PDS5B: variants seen among roughly 807,000 people sequenced by gnomAD.
The protein encoded by PDS5B is PDS5 cohesin associated factor B.
Under a neutral mutation model 184.1 loss-of-function variants are expected in PDS5B, and 51 were observed. The observed-to-expected ratio is 0.28, with a 90% CI of 0.22 to 0.35. PDS5B has a LOEUF of 0.35. Ranked by LOEUF, PDS5B falls within the 10% of genes least tolerant of loss-of-function variation. The pLI is 1.00. For synonymous variants in PDS5B, 566 were observed against 569.2 expected (o/e 0.99, Z 0.08); for missense variants, 1,180 against 1,723.3 (o/e 0.68, Z 5.58).
At chr13:32,735,092 G>T in intron 20 of PDS5B, 80 bp from the exon 21 acceptor site, 2 of 828,936 alleles carry the variant, frequency 2.4e-6, no homozygotes, top group East Asian at 3.0e-5. Flanking sequence ...AATAAATTTT[G>T]TAATTTGAAA....
chr13:32,686,537 A>C (rs1951395697), intron 11 of PDS5B, among the ~76,000 whole-genome samples: 1 of 152,174 alleles, frequency 6.6e-6, no homozygotes, highest in Non-Finnish European at 1.5e-5. Flanking sequence ...TAATCCCAGC[A>C]CTTTAGGAGG....
At chr13:32,678,283 A>C (rs1218066601) in intron 9 of PDS5B, among the ~76,000 whole-genome samples, 1 of 152,222 alleles carries the variant, frequency 6.6e-6, no homozygotes, top group Non-Finnish European at 1.5e-5. Flanking sequence ...TTACAGATGT[A>C]ATGTAAAAAG....
chr13:32,772,704 C>A (rs1206948720), intron 33 of PDS5B, among the ~76,000 whole-genome samples: 1 of 152,106 alleles, frequency 6.6e-6, no homozygotes, highest in African/African-American at 2.4e-5. Context: ...GCAGTAACAT[C>A]ATCTGTTCTT....
intron 3 of PDS5B, among the ~76,000 whole-genome samples, chr13:32,653,423 T>C (rs753044056): frequency 1.3e-5 from 2 of 152,210 alleles, no homozygotes; most frequent in Non-Finnish European, 2.9e-5. Flanking sequence ...CTGTTACTTA[T>C]GTGTCAGGAA....
At chr13:32,712,100 T>G (rs28568741) in intron 19 of PDS5B, among the ~76,000 whole-genome samples, 1 of 152,208 alleles carries the variant, frequency 6.6e-6, no homozygotes. Context: ...CAAATTTGGC[T>G]TATTCCCTGG....
At chr13:32,678,407 AT>A (rs1951130171) in intron 9 of PDS5B, among the ~76,000 whole-genome samples, 1 of 152,218 alleles carries the variant, frequency 6.6e-6, no homozygotes, top group Non-Finnish European at 1.5e-5. Context: ...GAGATCTGCC[AT>A]ACATTAGTGA....
chr13:32,603,478 A>G (rs926569419), intron 1 of PDS5B, among the ~76,000 whole-genome samples: 4 of 152,216 alleles, frequency 2.6e-5, no homozygotes, highest in African/African-American at 9.6e-5. Context: ...TACCAGTACC[A>G]TGCTGGTTTG....
At chr13:32,599,518 G>C (rs7996873) in intron 1 of PDS5B, among the ~76,000 whole-genome samples, 152,102 of 152,106 alleles carry the variant, frequency 1, 76,049 homozygotes, top group Middle Eastern at 1. Flanking sequence ...CCCGCCTTGG[G>C]CTCCCAAAGT....
chr13:32,768,315 A>G (rs1171534732), intron 31 of PDS5B, among the ~76,000 whole-genome samples: 1 of 152,166 alleles, frequency 6.6e-6, no homozygotes, highest in African/African-American at 2.4e-5. Context: ...AAGGCACCCA[A>G]GCTCACTGAT....
At chr13:32,719,793 T>C (rs901587331) in intron 19 of PDS5B, among the ~76,000 whole-genome samples, 29 of 121,248 alleles carry the variant, frequency 2.4e-4, no homozygotes, top group African/African-American at 3.4e-4. Flanking sequence ...CCCCCCCCCC[T>C]TTTTTTTTTG....
chr13:32,697,363 G>A (rs17077757), intron 15 of PDS5B, among the ~76,000 whole-genome samples: 3,442 of 152,276 alleles, frequency 0.023, 49 homozygotes, highest in African/African-American at 0.035. Context: ...GTTTTTGCAG[G>A]TCATTTGCTT....
chr13:32,665,246 C>T (rs531557836), intron 6 of PDS5B, among the ~76,000 whole-genome samples: 2 of 152,052 alleles, frequency 1.3e-5, no homozygotes, highest in Admixed American at 6.6e-5. Context: ...ATTACAGGTG[C>T]AATAAAGGTC....
At chr13:32,760,113 G>A (rs1450628054) in intron 29 of PDS5B, among the ~76,000 whole-genome samples, 3 of 152,002 alleles carry the variant, frequency 2.0e-5, no homozygotes, top group African/African-American at 7.2e-5. Flanking sequence ...CTGCCACCAC[G>A]CCTGGCTAAT....
intron 31 of PDS5B, among the ~76,000 whole-genome samples, chr13:32,769,255 A>G (rs1292079597): frequency 6.6e-6 from 1 of 152,228 alleles, no homozygotes; most frequent in African/African-American, 2.4e-5. Flanking sequence ...CAAAGGACAC[A>G]ATACGAAGGA....
chr13:32,729,379 C>G (rs1953021846), intron 19 of PDS5B, among the ~76,000 whole-genome samples: 1 of 152,148 alleles, frequency 6.6e-6, no homozygotes, highest in Admixed American at 6.5e-5. Context: ...CAAGTCTTTG[C>G]TATTGTGAAT....
At chr13:32,722,031 G>C (rs1279343131) in intron 19 of PDS5B, among the ~76,000 whole-genome samples, 1 of 152,232 alleles carries the variant, frequency 6.6e-6, no homozygotes, top group Non-Finnish European at 1.5e-5. Flanking sequence ...GTTGTAGCGA[G>C]CCGAGATCAC....
intron 8 of PDS5B, among the ~76,000 whole-genome samples, chr13:32,674,561 C>T (rs1294961509): frequency 6.6e-6 from 1 of 151,178 alleles, no homozygotes; most frequent in Non-Finnish European, 1.5e-5. Context: ...CATGTTCCTA[C>T]ACACTATGAG....
rs935875113 is a variant in PDS5B at position 32,758,618 on chromosome 13, G to A, written c.3274G>A (p.Val1092Ile). The change falls in exon 28 of 35, where the codon GTA becomes ATA. Residue 1092 changes from valine (V) to isoleucine (I), a missense_variant. Val to Ile is a conservative substitution (Grantham distance 29). This residue lies in a region of PDS5B where 465 missense variants were observed against 497.8 expected (regional missense o/e 0.93). Transcript: ENST00000315596. ...CAGTTTGGAATCTCCTAAAGACCCG[G>A]TACTACCAGCTCGTTTCTTCACTCA... is the stretch of plus-strand genomic sequence containing the variant. ...TYSLESPKDP[V>I]LPARFFTQPD... 9.9e-6 allele frequency: 16 copies of A among 1,613,290 alleles called. No homozygotes were observed. The highest frequency in any genetic ancestry group is 1.3e-5 in the Non-Finnish European group (15 of 1,179,504).
intron 10 of PDS5B, among the ~76,000 whole-genome samples, chr13:32,682,061 T>C (rs3912038): frequency 6.6e-6 from 1 of 151,940 alleles, no homozygotes; most frequent in Non-Finnish European, 1.5e-5. Context: ...GCCACAGGGG[T>C]ATATGGAAAG....
Sources: allele counts gnomAD v4.1 joint callset (sites outside exome capture counted in the v4.1 genomes callset), GRCh38; gene constraint gnomAD v4.1.1; regional missense constraint gnomAD v4.1.1; transcripts MANE v1.5; gene names NCBI Gene and HGNC (gene_info 2026-07-23, HGNC 2026-07-21).